AHCY: variants seen among roughly 807,000 people sequenced by gnomAD.
AHCY encodes adenosylhomocysteinase.
Under a neutral mutation model 45.4 loss-of-function variants are expected in AHCY, and 24 were observed. The ratio of observed to expected loss-of-function variants is 0.53; its 90% CI spans 0.38 to 0.74. AHCY has a LOEUF of 0.74. Among genes scored for constraint, AHCY ranks in the 30% least tolerant of loss-of-function variants. The pLI, the probability that AHCY is intolerant of heterozygous loss-of-function variation, is 0.00. For synonymous variants in AHCY, 245 were observed against 235.1 expected (o/e 1.04, Z -0.39); for missense variants, 449 against 594.1 (o/e 0.76, Z 2.54).
intron 3 of AHCY, among the ~76,000 whole-genome samples, chr20:34,293,252 T>A (rs1457876188): frequency 1.3e-5 from 2 of 151,934 alleles, no homozygotes; most frequent in Non-Finnish European, 2.9e-5. Context: ...AACTGAGGGC[T>A]ACTGACCACC....
At chr20:34,296,409 A>G (rs1218973820) in intron 1 of AHCY, among the ~76,000 whole-genome samples, 1 of 152,194 alleles carries the variant, frequency 6.6e-6, no homozygotes, top group Admixed American at 6.5e-5. Context: ...CTTTGAGGTT[A>G]TTAGTAATAA....
chr20:34,303,452 G>A, upstream of AHCY: 1 of 857,080 alleles, frequency 1.2e-6, no homozygotes, highest in South Asian at 1.6e-5. Flanking sequence ...GGAGCCGGAG[G>A]GGATTTCGAT....
At chr20:34,296,116 T>C (rs1304947639) in intron 1 of AHCY, among the ~76,000 whole-genome samples, 1 of 152,186 alleles carries the variant, frequency 6.6e-6, no homozygotes, top group Non-Finnish European at 1.5e-5. Context: ...CTGGAGGAAC[T>C]CATCCGTATA....
At chr20:34,235,891 AAGG>A in the AHCY span, among the ~76,000 whole-genome samples, 53 of 97,652 alleles carry the variant, frequency 5.4e-4, 3 homozygotes, top group East Asian at 1.4e-3. Context: ...GGAAGGAAGG[AAGG>A]AAGGAAAGGA....
At chr20:34,292,571 T>G in intron 3 of AHCY, 64 bp from the exon 4 acceptor site, 1 of 1,609,906 alleles carries the variant, frequency 6.2e-7, no homozygotes. Context: ...AGGGAACAAC[T>G]CTGGCAGAGC....
intron 8 of AHCY, among the ~76,000 whole-genome samples, chr20:34,287,048 G>A (rs1304840044): frequency 2.0e-5 from 3 of 151,966 alleles, no homozygotes; most frequent in Non-Finnish European, 2.9e-5. Context: ...CCCACTCCCA[G>A]CTCTTCCCTT....
chr20:34,271,863 G>C, the AHCY span, among the ~76,000 whole-genome samples: 1 of 152,080 alleles, frequency 6.6e-6, no homozygotes, highest in Non-Finnish European at 1.5e-5. Flanking sequence ...ACCACACCCA[G>C]CCTGAACAAG....
chr20:34,272,443 CCA>C, the AHCY span, among the ~76,000 whole-genome samples: 1 of 152,176 alleles, frequency 6.6e-6, no homozygotes, highest in Admixed American at 6.5e-5. Context: ...GCATCAGATC[CCA>C]CAGTCTGAGG....
At chr20:34,293,965 C>T in intron 3 of AHCY, 116 bp downstream of exon 3, 1 of 1,036,148 alleles carries the variant, frequency 9.7e-7, no homozygotes, top group Non-Finnish European at 1.5e-6. Context: ...GATTTTGTGG[C>T]GGTGACTCCT....
intron 8 of AHCY, among the ~76,000 whole-genome samples, chr20:34,286,659 C>T (rs1252768709): frequency 6.6e-6 from 1 of 151,760 alleles, no homozygotes; most frequent in Non-Finnish European, 1.5e-5. Flanking sequence ...CATGGAGAAA[C>T]CCTGTCTCTA....
At chr20:34,272,345 C>T in the AHCY span, among the ~76,000 whole-genome samples, 1 of 152,174 alleles carries the variant, frequency 6.6e-6, no homozygotes, top group South Asian at 2.1e-4. Context: ...AGGGGATTTC[C>T]CCCCACCAGC....
In AHCY at chr20:34,292,437, G is replaced by A. The variant is rs141935523; in HGVS notation, c.366C>T (p.Asp122=). The change falls in exon 4 of 10, where the codon GAC becomes GAT. Residue 122 remains aspartate (D), a synonymous_variant. Coordinates refer to ENST00000217426, the MANE Select transcript of AHCY (RefSeq NM_000687.4). ...CGTCCAGAATCATGTTGAGGGGCCC[G>A]TCCTTGAAGTACAGGGTCTGCTCAA... ...WCIEQTLYFK[D]GPLNMILDDG... 10 of 1,613,930 alleles carry A rather than the reference G, an allele frequency of 6.2e-6. No individual in the cohort carries two copies. In the East Asian group the frequency reaches 8.9e-5, roughly 14 times the overall value.
chr20:34,241,484 A>G, the AHCY span: 1 of 985,456 alleles, frequency 1.0e-6, no homozygotes. Context: ...CTTTGCGGGA[A>G]AGCATGTGAG....
At chr20:34,267,402 T>C in the AHCY span, among the ~76,000 whole-genome samples, 1 of 129,202 alleles carries the variant, frequency 7.7e-6, no homozygotes, top group African/African-American at 3.2e-5. Context: ...CCAGGCGCGG[T>C]GGCTCACATC....
intron 1 of AHCY, among the ~76,000 whole-genome samples, chr20:34,308,916 A>C (rs2036921008): frequency 6.6e-6 from 1 of 150,380 alleles, no homozygotes; most frequent in Admixed American, 6.6e-5. Flanking sequence ...GGCCTCCCAA[A>C]GTGCTGGGAT....
downstream of AHCY, among the ~76,000 whole-genome samples, chr20:34,279,532 G>A (rs1873501499): frequency 6.6e-6 from 1 of 152,110 alleles, no homozygotes; most frequent in African/African-American, 2.4e-5. Flanking sequence ...TTGGGAGTGG[G>A]TGCCCTGTCA....
At chr20:34,267,626 G>A in the AHCY span, among the ~76,000 whole-genome samples, 1 of 151,890 alleles carries the variant, frequency 6.6e-6, no homozygotes, top group African/African-American at 2.4e-5. Context: ...CCACCTCCCC[G>A]GTTCAAACAA....
chr20:34,268,982 C>T, the AHCY span: 2 of 1,598,230 alleles, frequency 1.3e-6, no homozygotes, highest in Admixed American at 3.4e-5. Flanking sequence ...CCCGGCGTTT[C>T]CCACGCAGAA....
At chr20:34,270,897 A>C in the AHCY span, among the ~76,000 whole-genome samples, 2 of 152,174 alleles carry the variant, frequency 1.3e-5, no homozygotes, top group African/African-American at 4.8e-5. Context: ...GCCTCAAGCA[A>C]TCCTCCTGCC....
Sources: allele counts gnomAD v4.1 joint callset (sites outside exome capture counted in the v4.1 genomes callset), GRCh38; gene constraint gnomAD v4.1.1; transcripts MANE v1.5; gene names NCBI Gene and HGNC (gene_info 2026-07-23, HGNC 2026-07-21).